Variants in ATP6V1E1 observed in about 807,000 individuals in gnomAD.
ATP6V1E1 encodes V-type proton ATPase subunit E 1.
Under a neutral mutation model 35.2 loss-of-function variants are expected in ATP6V1E1, and 21 were observed. That is an observed-to-expected ratio of 0.60 (90% CI 0.42 to 0.86). The LOEUF is 0.86. Among genes scored for constraint, ATP6V1E1 ranks in the 40% least tolerant of loss-of-function variants. The probability of loss-of-function intolerance (pLI) is 0.00; values close to 1 mark genes in which losing one functional copy is unlikely to be tolerated. For synonymous variants in ATP6V1E1, 83 were observed against 87.8 expected (o/e 0.95, Z 0.30); for missense variants, 183 against 272.6 (o/e 0.67, Z 2.32).
At chr22:17,624,763 G>A (rs1047272269) in intron 1 of ATP6V1E1, among the ~76,000 whole-genome samples, 3 of 151,994 alleles carry the variant, frequency 2.0e-5, no homozygotes, top group African/African-American at 7.3e-5. Context: ...AGAGGTTGCA[G>A]CAAGCTGAGA....
In ATP6V1E1 at chr22:17,616,917, G is replaced by A. The variant is rs1465187163; in HGVS notation, c.99+2544C>T. Among the ~76,000 whole-genome samples the A allele has an allele frequency of 1.8e-5, 2 of 110,002 alleles. 1 individual carries two copies. The highest frequency in any genetic ancestry group is 7.4e-5 in the African/African-American group (2 of 26,962). 72.2% of individuals were successfully genotyped at this position (110,002 alleles called of 152,430 possible). ...CAAAAAATTAGCCGGGTGTAGTGGC[G>A]GGCGCCTGTAGTCCCAGCTACTTGG... On this transcript the variant is annotated intron_variant, in intron 2 of 8. Transcript: ENST00000253413.
At chr22:17,613,911 G>A (rs1054655385) in intron 2 of ATP6V1E1, among the ~76,000 whole-genome samples, 10 of 152,066 alleles carry the variant, frequency 6.6e-5, no homozygotes, top group African/African-American at 2.2e-4. Context: ...AGCTTGCAGC[G>A]AGTGGAGATC....
rs572498296 is a variant in ATP6V1E1 at position 17,617,867 on chromosome 22, T to C, written c.99+1594A>G. The stretch of plus-strand genomic sequence containing the variant: ...CTCTGTCGTCCAGGCTGGAGTGCAG[T>C]GGCACGATCTCTGCTGACTGCAACC... On this transcript the variant is annotated intron_variant, in intron 2 of 8. Transcript: ENST00000253413. 2.6e-5 allele frequency among the ~76,000 whole-genome samples: 4 copies of C among 152,374 alleles called. No homozygotes were observed. The South Asian group carries it at 8.3e-4, about 32-fold the overall frequency.
intron 1 of ATP6V1E1, among the ~76,000 whole-genome samples, chr22:17,621,519 T>G (rs2057877539): frequency 1.3e-5 from 2 of 152,214 alleles, no homozygotes; most frequent in Admixed American, 1.3e-4. Context: ...GGTCTTGAAC[T>G]ACTGGGCTCA....
At chr22:17,610,348 A>G (rs892587713) in intron 4 of ATP6V1E1, among the ~76,000 whole-genome samples, 1 of 152,184 alleles carries the variant, frequency 6.6e-6, no homozygotes, top group Non-Finnish European at 1.5e-5. Flanking sequence ...AGTCAAATCC[A>G]CTAGACCTAT....
chr22:17,616,417 G>A (rs574205692), intron 2 of ATP6V1E1, among the ~76,000 whole-genome samples: 26 of 152,272 alleles, frequency 1.7e-4, no homozygotes, highest in East Asian at 5.8e-4. Context: ...GGTGGCTCAC[G>A]CCAGTAATCC....
chr22:17,609,326 A>AGG (rs2057802731), intron 4 of ATP6V1E1, among the ~76,000 whole-genome samples: 1 of 149,772 alleles, frequency 6.7e-6, no homozygotes, highest in South Asian at 2.1e-4. Context: ...ACACCCAGCT[A>AGG]ATTTTTTTGT....
At chr22:17,628,201 G>A (rs796073595) in intron 1 of ATP6V1E1, among the ~76,000 whole-genome samples, 16 of 152,214 alleles carry the variant, frequency 1.1e-4, no homozygotes, top group African/African-American at 3.9e-4. Context: ...CCTGACCTCA[G>A]GTGATCCGGC....
rs189035015 is a variant in ATP6V1E1, at chr22:17,621,243, G to T, written c.34-1717C>A. Among the ~76,000 whole-genome samples the T allele has an allele frequency of 3.6e-3, 549 of 152,186 alleles. 3 individuals are homozygous for T. Among genetic ancestry groups the T allele is most frequent in the African/African-American group, 0.012 (491 of 41,524 alleles). ...GCCACCAGAGAGATGCTTTCAAAAT[G>T]CCTATCTTATCATGTAACACTCTAC... On this transcript the variant is annotated intron_variant, in intron 1 of 8. Transcript: ENST00000253413.
chr22:17,607,963 C>A (rs543042912), intron 4 of ATP6V1E1, among the ~76,000 whole-genome samples: 1 of 152,308 alleles, frequency 6.6e-6, no homozygotes, highest in Non-Finnish European at 1.5e-5. Context: ...GCCCACTCCC[C>A]ACTCTGCCAG....
Position 17,601,161 on chromosome 22 carries a change from T to C in ATP6V1E1, c.297A>G (p.Lys99=), listed in dbSNP as rs2057759932. 6.2e-7 allele frequency: 1 copy of C among 1,613,536 alleles called. No homozygotes were observed. Among genetic ancestry groups the C allele is most frequent in the East Asian group, 2.2e-5 (1 of 44,880 alleles). The change falls in exon 5 of 9, where the codon AAA becomes AAG. Residue 99 remains lysine, a synonymous_variant. Coordinates refer to ENST00000253413, the MANE Select transcript of ATP6V1E1 (RefSeq NM_001696.4). The part of the protein sequence containing the change: ...DLITDLLNEA[K]QRLSKVVKDT... ...CTTTTACCACCTTGCTGAGTCTCTG[T>C]TTTGCTTCATTTAGTAGGTCCTACA...
chr22:17,613,921 C>G (rs376404799), intron 2 of ATP6V1E1, among the ~76,000 whole-genome samples: 1 of 152,134 alleles, frequency 6.6e-6, no homozygotes, highest in Middle Eastern at 3.2e-3. Flanking sequence ...GAGTGGAGAT[C>G]GTGCCACTGC....
At chr22:17,626,931 T>C (rs1455415901) in intron 1 of ATP6V1E1, among the ~76,000 whole-genome samples, 1 of 152,008 alleles carries the variant, frequency 6.6e-6, no homozygotes. Flanking sequence ...CACCTCAGCC[T>C]CCCAAAGTGC....
intron 4 of ATP6V1E1, among the ~76,000 whole-genome samples, chr22:17,603,029 T>A (rs1287717098): frequency 6.6e-6 from 1 of 152,194 alleles, no homozygotes; most frequent in African/African-American, 2.4e-5. Context: ...TGATCTTAAC[T>A]CACTGCAACC....
At chr22:17,596,081 G>A (rs144326781) in intron 7 of ATP6V1E1, among the ~76,000 whole-genome samples, 6,316 of 152,020 alleles carry the variant, frequency 0.042, 454 homozygotes, top group African/African-American at 0.14. Flanking sequence ...GCAGTGAGCC[G>A]AGGTCGTGCC....
intron 8 of ATP6V1E1, among the ~76,000 whole-genome samples, chr22:17,593,161 C>T (rs1021823350): frequency 2.6e-5 from 4 of 152,048 alleles, no homozygotes; most frequent in Non-Finnish European, 5.9e-5. Flanking sequence ...CACAAAGCCA[C>T]GCACATCAAA....
At chr22:17,616,494 C>T (rs1036581245) in intron 2 of ATP6V1E1, among the ~76,000 whole-genome samples, 3 of 151,960 alleles carry the variant, frequency 2.0e-5, no homozygotes, top group African/African-American at 7.2e-5. Context: ...GCCTGGGCAA[C>T]ACAGTAAAAC....
At chr22:17,610,835 G>C (rs924356250) in intron 4 of ATP6V1E1, among the ~76,000 whole-genome samples, 1 of 152,152 alleles carries the variant, frequency 6.6e-6, no homozygotes, top group African/African-American at 2.4e-5. Flanking sequence ...GGTTATCACT[G>C]GTGGAGACGG....
chr22:17,597,571 G>C (rs1569201977), intron 7 of ATP6V1E1, among the ~76,000 whole-genome samples: 1 of 151,960 alleles, frequency 6.6e-6, no homozygotes, highest in Non-Finnish European at 1.5e-5. Context: ...CAGAGATCTG[G>C]TCCTAGCTTT....
Sources: allele counts gnomAD v4.1 joint callset (sites outside exome capture counted in the v4.1 genomes callset), GRCh38; gene constraint gnomAD v4.1.1; transcripts MANE v1.5; gene names NCBI Gene and HGNC (gene_info 2026-07-23, HGNC 2026-07-21).